The following NMBR variants were observed in gnomAD, a reference collection of about 807,000 sequenced individuals.
NMBR encodes neuromedin B receptor.
NMBR carries 16 observed loss-of-function variants against 20.5 expected under a neutral mutation model. The ratio of observed to expected loss-of-function variants is 0.78; its 90% CI spans 0.53 to 1.19. The LOEUF (loss-of-function observed/expected upper bound fraction) is 1.19. Among genes scored for constraint, NMBR ranks in the 50% most tolerant of loss-of-function variants. The pLI is 0.00. For missense variants in NMBR, 582 were observed against 499.1 expected (o/e 1.17, Z -1.58); for synonymous variants, 212 against 196.6 (o/e 1.08, Z -0.65).
At chr6:142,130,881 G>C (rs1398785010) in intron 1 of NMBR, among the ~76,000 whole-genome samples, 1 of 152,116 alleles carries the variant, frequency 6.6e-6, no homozygotes, top group Non-Finnish European at 1.5e-5. Context: ...GTATACTGCA[G>C]AACAGCTTTC....
At chr6:142,120,182 C>T (rs992790469) in intron 1 of NMBR, among the ~76,000 whole-genome samples, 1 of 151,806 alleles carries the variant, frequency 6.6e-6, no homozygotes, top group African/African-American at 2.4e-5. Flanking sequence ...CTGCCCTAAA[C>T]AACTAGATGA....
At position 142,137,223 on chromosome 6, in the gene NMBR, T is replaced by C. The variant is rs375614683; in HGVS notation, c.-664+9821A>G. On this transcript the variant is annotated intron_variant, in intron 1 of 3. Transcript: ENST00000258042. ...AGAGGTCCTTCACGTCCCTTGTAAG[T>C]TGGATTCCTAGGTATTTTATTCTCT... 4.1e-4 allele frequency among the ~76,000 whole-genome samples: 62 copies of C among 152,292 alleles called. No homozygotes were observed. The East Asian group carries it at 5.0e-3, about 12-fold the overall frequency.
At chr6:142,120,735 C>G (rs563165118) in intron 1 of NMBR, among the ~76,000 whole-genome samples, 39 of 152,016 alleles carry the variant, frequency 2.6e-4, no homozygotes, top group South Asian at 6.2e-4. Context: ...ACCTACCTTA[C>G]AAATACTTAA....
rs114953428 is a variant in NMBR at position 142,080,950 on chromosome 6, G to T, written c.423-2047C>A. Among the ~76,000 whole-genome samples, 614 of 152,286 alleles carry T rather than the reference G, an allele frequency of 4.0e-3. 7 individuals carry two copies. Among genetic ancestry groups the T allele is most frequent in the African/African-American group, 0.014 (598 of 41,550 alleles). ...TCTAAGCACATATACTATTGTAGAAGTACTGTTGTAGTTTACTTGAGCTGC... is the reference window on the plus strand; with the variant it reads ...TCTAAGCACATATACTATTGTAGAATTACTGTTGTAGTTTACTTGAGCTGC... On this transcript the variant is annotated intron_variant, in intron 2 of 3. Coordinates refer to ENST00000258042, the MANE Select transcript of NMBR (RefSeq NM_002511.4).
chr6:142,093,998 TTG>T (rs1491082090), intron 1 of NMBR, among the ~76,000 whole-genome samples: 3 of 109,260 alleles, frequency 2.7e-5, no homozygotes, highest in East Asian at 4.4e-4. Flanking sequence ...TTTGATGGGG[TTG>T]TTTTTTTTCT....
At chr6:142,097,029 A>G (rs1777467513) in intron 1 of NMBR, among the ~76,000 whole-genome samples, 1 of 152,014 alleles carries the variant, frequency 6.6e-6, no homozygotes, top group Non-Finnish European at 1.5e-5. Context: ...TGCTTGGTAG[A>G]TCTTCCACCA....
At position 142,113,646 on chromosome 6, in the gene NMBR, T is replaced by C. The variant is rs1372090044; in HGVS notation, c.-663-24325A>G. ...TTTAGTCTTTCTATCATATACATAG[T>C]GCAGGTGGAACACAAGCTTTCAAGA... On this transcript the variant is annotated intron_variant, in intron 1 of 3. Transcript: ENST00000258042. 2.6e-5 allele frequency among the ~76,000 whole-genome samples: 4 copies of C among 152,184 alleles called. No individual in the cohort carries two copies. In the East Asian group the frequency reaches 5.8e-4, roughly 22 times the overall value.
At chr6:142,134,870 C>A in intron 1 of NMBR, 1 of 628,308 alleles carries the variant, frequency 1.6e-6, no homozygotes, top group South Asian at 1.9e-5. Flanking sequence ...TTATTTGTTG[C>A]TGAGATTTTT....
intron 1 of NMBR, among the ~76,000 whole-genome samples, 179 bp from the exon 2 acceptor site, chr6:142,089,500 G>A (rs1459515032): frequency 1.3e-5 from 2 of 151,950 alleles, no homozygotes; most frequent in South Asian, 2.1e-4. Flanking sequence ...CGTGTATAAC[G>A]TACACATTTC....
chr6:142,134,585 T>A, intron 1 of NMBR: 1 of 648,382 alleles, frequency 1.5e-6, no homozygotes. Context: ...CTTTTCCACC[T>A]TTATGCTGCA....
intron 1 of NMBR, among the ~76,000 whole-genome samples, chr6:142,124,774 C>A (rs1261706175): frequency 6.6e-6 from 1 of 151,826 alleles, no homozygotes; most frequent in African/African-American, 2.4e-5. Context: ...TTAGGTCAGG[C>A]AATTGCTGGC....
At chr6:142,134,833 A>C in intron 1 of NMBR, 1 of 666,788 alleles carries the variant, frequency 1.5e-6, no homozygotes, top group Non-Finnish European at 2.7e-6. Context: ...CATTGCAATA[A>C]ATACATTTAC....
At chr6:142,133,830 T>G (rs1043372625) in intron 1 of NMBR, 2 of 613,932 alleles carry the variant, frequency 3.3e-6, no homozygotes, top group African/African-American at 3.7e-5. Flanking sequence ...AAGATTTTTT[T>G]TCTCCTAAAA....
chr6:142,116,933 G>T (rs1468775049), intron 1 of NMBR, among the ~76,000 whole-genome samples: 1 of 151,726 alleles, frequency 6.6e-6, no homozygotes, highest in Admixed American at 6.6e-5. Flanking sequence ...TTAGAAATCT[G>T]CCACCTCACT....
rs1018444165 is a variant in NMBR, at chr6:142,088,781, G to C, written c.-123C>G. The C allele has an allele frequency of 2.3e-6, 2 of 867,150 alleles. No individual in the cohort carries two copies. Among genetic ancestry groups the C allele is most frequent in the African/African-American group, 3.4e-5 (2 of 58,768 alleles). The allele number at this position is 867,150 out of a possible 1,614,324, so 53.7% of individuals were successfully genotyped here. On this transcript the variant is annotated 5_prime_UTR_variant, in exon 2 of 4. Coordinates refer to ENST00000258042, the MANE Select transcript of NMBR (RefSeq NM_002511.4). ...TCGCCCCTGCAAGTTTACTGTCCGC[G>C]GGGCAAGCCTCACAGCACCACGTCC...
rs567921424 is a variant in NMBR, at chr6:142,093,806, C to T, written c.-663-4485G>A. Among the ~76,000 whole-genome samples, 24 of 152,232 alleles carry T rather than the reference C, an allele frequency of 1.6e-4. No homozygotes were observed. In the East Asian group the frequency reaches 2.7e-3, roughly 17 times the overall value. On this transcript the variant is annotated intron_variant, in intron 1 of 3. Coordinates refer to ENST00000258042, the MANE Select transcript of NMBR (RefSeq NM_002511.4). The stretch of plus-strand genomic sequence containing the variant: ...CATTCCTATTTTTCCACATCCTCTC[C>T]GACACCTGTTGTTTCCTGACTTTTT...
At chr6:142,128,825 T>C (rs1230108185) in intron 1 of NMBR, among the ~76,000 whole-genome samples, 1 of 151,698 alleles carries the variant, frequency 6.6e-6, no homozygotes, top group East Asian at 1.9e-4. Context: ...TGTAGTTTTC[T>C]TGTGGTGTTT....
At chr6:142,093,722 T>C (rs1361782194) in intron 1 of NMBR, among the ~76,000 whole-genome samples, 1 of 152,114 alleles carries the variant, frequency 6.6e-6, no homozygotes, top group African/African-American at 2.4e-5. Context: ...CCTGAGGAAT[T>C]GCCACACTGA....
chr6:142,078,924 A>C, intron 2 of NMBR, 21 bp from the exon 3 acceptor site: 681 of 1,437,586 alleles, frequency 4.7e-4, no homozygotes, highest in Non-Finnish European at 5.9e-4. Flanking sequence ...GATACATCTC[A>C]AGTTATTCCA....
Sources: gnomAD v4.1 joint callset for allele counts (sites outside exome capture counted in the v4.1 genomes callset) on GRCh38, gnomAD v4.1.1 for gene constraint, MANE v1.5 for transcripts, NCBI Gene and HGNC (gene_info 2026-07-23, HGNC 2026-07-21) for gene names.